Variants in TTC29 observed in about 807,000 individuals in gnomAD.
TTC29 encodes the protein tetratricopeptide repeat protein 29.
Under a neutral mutation model 58.1 loss-of-function variants are expected in TTC29, and 49 were observed. The ratio of observed to expected loss-of-function variants is 0.84; its 90% CI spans 0.67 to 1.07. The LOEUF (loss-of-function observed/expected upper bound fraction) is 1.07, where lower values mean the gene tolerates loss of function less well. Ranked by LOEUF, TTC29 falls within the 50% of genes least tolerant of loss-of-function variation. The pLI is 0.00. For synonymous variants in TTC29, 209 were observed against 196.8 expected (o/e 1.06, Z -0.52); for missense variants, 582 against 555.6 (o/e 1.05, Z -0.48).
chr4:146,737,931 A>G (rs1561075538), intron 11 of TTC29, among the ~76,000 whole-genome samples: 2 of 152,170 alleles, frequency 1.3e-5, no homozygotes, highest in Admixed American at 6.5e-5. Flanking sequence ...AACTGTCCCT[A>G]TGTTTTTAAA....
chr4:146,837,316 G>A (rs767394984), intron 8 of TTC29, among the ~76,000 whole-genome samples: 1 of 152,008 alleles, frequency 6.6e-6, no homozygotes, highest in Admixed American at 6.6e-5. Flanking sequence ...ATACAAAGAA[G>A]GGAACAACAG....
intron 10 of TTC29, among the ~76,000 whole-genome samples, chr4:146,805,351 C>A (rs1263017082): frequency 6.6e-6 from 1 of 151,924 alleles, no homozygotes. Flanking sequence ...CATAACTCCT[C>A]ACCAAAAAGG....
At chr4:146,801,978 C>CAAAAAAAAAAAAAA (rs57486017) in intron 11 of TTC29, among the ~76,000 whole-genome samples, 1 of 38,800 alleles carries the variant, frequency 2.6e-5, no homozygotes, top group Non-Finnish European at 6.4e-5. Context: ...GACTCTGTCT[C>CAAAAAAAAAAAAAA]AAAAAAAAAA....
At chr4:146,929,427 A>C (rs1022476458) in intron 4 of TTC29, among the ~76,000 whole-genome samples, 1 of 151,944 alleles carries the variant, frequency 6.6e-6, no homozygotes, top group South Asian at 2.1e-4. Flanking sequence ...CTAGTATTTC[A>C]GTATTTTAGC....
At chr4:146,728,839 ATATATATG>A (rs1349319529) in intron 11 of TTC29, among the ~76,000 whole-genome samples, 2 of 85,598 alleles carry the variant, frequency 2.3e-5, no homozygotes, top group East Asian at 3.5e-4. Flanking sequence ...ATATATACAC[ATATATATG>A]TATATATATA....
At chr4:146,727,042 G>A (rs144624726) in intron 11 of TTC29, among the ~76,000 whole-genome samples, 233 of 151,140 alleles carry the variant, frequency 1.5e-3, no homozygotes, top group African/African-American at 5.3e-3. Flanking sequence ...TTTCAGATAC[G>A]TTCCATGCAC....
At chr4:146,757,197 T>C (rs1460528832) in intron 11 of TTC29, among the ~76,000 whole-genome samples, 1 of 151,282 alleles carries the variant, frequency 6.6e-6, no homozygotes, top group African/African-American at 2.4e-5. Flanking sequence ...AAGGCTGTTG[T>C]TCGGATTTTT....
Position 146,943,002 on chromosome 4 carries a change from C to T in TTC29, c.-7+2029G>A, listed in dbSNP as rs17022163. 1,312 of 172,500 alleles carry T rather than the reference C, an allele frequency of 7.6e-3. 20 individuals carry two copies. Among genetic ancestry groups the T allele is most frequent in the African/African-American group, 0.03 (1,254 of 42,484 alleles). 10.7% of individuals were successfully genotyped at this position (172,500 alleles called of 1,614,324 possible). On this transcript the variant is annotated intron_variant, in intron 2 of 12. Transcript: ENST00000325106. ...AGATAGCTCATCCAGGTGCGTATAA[C>T]TCCCCACCAAAGTTGGCATACCAGC...
chr4:146,944,503 C>T (rs1228193033), intron 2 of TTC29, among the ~76,000 whole-genome samples: 1 of 152,054 alleles, frequency 6.6e-6, no homozygotes, highest in Non-Finnish European at 1.5e-5. Context: ...CCCAGAGATG[C>T]CTTTATCAGG....
chr4:146,836,948 G>A (rs535222370), intron 8 of TTC29, among the ~76,000 whole-genome samples: 2 of 152,082 alleles, frequency 1.3e-5, no homozygotes, highest in East Asian at 3.9e-4. Context: ...ATTCCTCAAA[G>A]GGCTAGAAAC....
chr4:146,819,654 C>T lies in TTC29; in HGVS notation c.1101+471G>A, dbSNP rs915627117. ...ATGTAATGAATCTGTTGCTAAAATC[C>T]ACTCTAAATTTTCTGCAGAATTATT... On this transcript the variant is annotated intron_variant, in intron 10 of 12. Transcript: ENST00000325106. 2.6e-5 allele frequency among the ~76,000 whole-genome samples: 4 copies of T among 152,064 alleles called. No individual in the cohort carries two copies. The East Asian group carries it at 5.8e-4, about 22-fold the overall frequency.
Position 146,878,124 on chromosome 4 carries a change from G to A in TTC29, c.587-3196C>T, listed in dbSNP as rs374115386. ...AAGGCTGTCCAAGCAGGAATGAAGT[G>A]AGGATGGTCCTCAGGACACTGGTTT... On this transcript the variant is annotated intron_variant, in intron 6 of 12. Transcript: ENST00000325106. Among the ~76,000 whole-genome samples the A allele has an allele frequency of 1.7e-4, 26 of 152,306 alleles. No individual in the cohort carries two copies. In the South Asian group the frequency reaches 4.4e-3, roughly 26 times the overall value.
At chr4:146,905,677 T>C (rs1278465859) in intron 5 of TTC29, among the ~76,000 whole-genome samples, 3 of 152,176 alleles carry the variant, frequency 2.0e-5, no homozygotes, top group Non-Finnish European at 2.9e-5. Flanking sequence ...ATTCAGAAGA[T>C]GAAAATCAAT....
chr4:146,770,868 C>T (rs1747672991), intron 11 of TTC29, among the ~76,000 whole-genome samples: 3 of 152,000 alleles, frequency 2.0e-5, no homozygotes, highest in Admixed American at 1.3e-4. Flanking sequence ...AGCCTAGGTC[C>T]CTGCTGCCAA....
chr4:146,731,398 G>A (rs540884626), intron 11 of TTC29, among the ~76,000 whole-genome samples: 1 of 152,220 alleles, frequency 6.6e-6, no homozygotes, highest in South Asian at 2.1e-4. Flanking sequence ...CTTGAGGTTA[G>A]TGATCACAAC....
At chr4:146,941,641 T>C (rs1017095201) in intron 2 of TTC29, among the ~76,000 whole-genome samples, 2 of 152,218 alleles carry the variant, frequency 1.3e-5, no homozygotes, top group Non-Finnish European at 2.9e-5. Context: ...AAAGACGTTA[T>C]GGAGAATTTT....
At chr4:146,855,219 G>T (rs1005044852) in intron 8 of TTC29, among the ~76,000 whole-genome samples, 2 of 152,108 alleles carry the variant, frequency 1.3e-5, no homozygotes, top group African/African-American at 2.4e-5. Flanking sequence ...AATCACTTGA[G>T]GTCAGGAGTT....
chr4:146,797,832 TTATATATATATATATA>T (rs70958528), intron 11 of TTC29, among the ~76,000 whole-genome samples: 7 of 130,036 alleles, frequency 5.4e-5, no homozygotes, highest in South Asian at 2.5e-4. Flanking sequence ...TTACTTTGTT[TTATATATATATATATA>T]TATATATATA....
intron 7 of TTC29, among the ~76,000 whole-genome samples, chr4:146,869,052 G>C (rs577024317): frequency 1.3e-3 from 197 of 147,254 alleles, no homozygotes; most frequent in African/African-American, 4.7e-3. Flanking sequence ...TCACCAGAAG[G>C]AGATGCTGGC....
Sources: allele counts gnomAD v4.1 joint callset (sites outside exome capture counted in the v4.1 genomes callset), GRCh38; gene constraint gnomAD v4.1.1; transcripts MANE v1.5; gene names NCBI Gene and HGNC (gene_info 2026-07-23, HGNC 2026-07-21).